Variants in PTPN2 observed in about 807,000 individuals in gnomAD.
PTPN2 encodes protein tyrosine phosphatase non-receptor type 2, also known as tyrosine-protein phosphatase non-receptor type 2.
A neutral mutation model predicts 57.3 loss-of-function variants in PTPN2; 19 were observed. That is an observed-to-expected ratio of 0.33 (90% CI 0.23 to 0.49). The LOEUF is 0.49. Ranked by LOEUF, PTPN2 falls within the 20% of genes least tolerant of loss-of-function variation. PTPN2 has a pLI of 0.99. For synonymous variants in PTPN2, 153 were observed against 164.9 expected (o/e 0.93, Z 0.55); for missense variants, 358 against 501.1 (o/e 0.71, Z 2.73).
In PTPN2 at chr18:12,793,373, T is replaced by C; in HGVS notation, c.*905A>G. ...AATGCTGCTTCTTACTTTTGCTTCCTAAATCATAATCTACCCCAACTACAT... is the reference window on the plus strand; with the variant it reads ...AATGCTGCTTCTTACTTTTGCTTCCCAAATCATAATCTACCCCAACTACAT... On this transcript the variant is annotated 3_prime_UTR_variant, in exon 9 of 9. Coordinates refer to ENST00000309660, the MANE Select transcript of PTPN2 (RefSeq NM_002828.4). 1 of 979,116 alleles carries C rather than the reference T, an allele frequency of 1.0e-6. No homozygotes were observed. The allele number at this position is 979,116 out of a possible 1,614,324, so 60.7% of individuals were successfully genotyped here.
downstream of PTPN2, among the ~76,000 whole-genome samples, chr18:12,789,876 GTGTA>G (rs758121184): frequency 6.0e-4 from 90 of 148,872 alleles, no homozygotes; most frequent in South Asian, 1.3e-3. Flanking sequence ...GTGTGTGTGT[GTGTA>G]TATATATATG....
At chr18:12,845,984 G>A (rs913456137) in intron 2 of PTPN2, among the ~76,000 whole-genome samples, 1 of 152,066 alleles carries the variant, frequency 6.6e-6, no homozygotes, top group Non-Finnish European at 1.5e-5. Context: ...GATACAATCT[G>A]TTCTTTCACG....
chr18:12,819,375 G>T, intron 5 of PTPN2: 1 of 605,204 alleles, frequency 1.7e-6, no homozygotes, highest in South Asian at 2.3e-5. Context: ...TATGGTAAGT[G>T]AACAAAGCCA....
At chr18:12,816,290 ACT>A (rs1477134110) in intron 6 of PTPN2, among the ~76,000 whole-genome samples, 1 of 152,150 alleles carries the variant, frequency 6.6e-6, no homozygotes, top group Non-Finnish European at 1.5e-5. Context: ...ACAGGGCAAG[ACT>A]CTGTCTAAAC....
chr18:12,822,037 T>C (rs1396106785), intron 5 of PTPN2, among the ~76,000 whole-genome samples: 1 of 152,100 alleles, frequency 6.6e-6, no homozygotes, highest in Non-Finnish European at 1.5e-5. Context: ...GAACAAGCAG[T>C]AGAATGATAA....
downstream of PTPN2, among the ~76,000 whole-genome samples, chr18:12,791,899 C>T (rs1192962932): frequency 6.6e-6 from 1 of 152,208 alleles, no homozygotes; most frequent in Non-Finnish European, 1.5e-5. Context: ...CGAAAGCAAG[C>T]CTAGTTTCAA....
chr18:12,797,267 C>T (rs756862952), intron 8 of PTPN2, among the ~76,000 whole-genome samples: 10 of 151,734 alleles, frequency 6.6e-5, no homozygotes, highest in South Asian at 2.1e-4. Flanking sequence ...TAATCTTTAA[C>T]GTATTATTTC....
intron 1 of PTPN2, among the ~76,000 whole-genome samples, chr18:12,861,627 C>T: frequency 6.6e-6 from 1 of 152,076 alleles, no homozygotes; most frequent in South Asian, 2.1e-4. Context: ...TTCTTAGATA[C>T]CTGATAAGTT....
At chr18:12,876,916 C>T (rs72872125) in intron 1 of PTPN2, among the ~76,000 whole-genome samples, 14,059 of 152,258 alleles carry the variant, frequency 0.092, 873 homozygotes, top group Middle Eastern at 0.16. Flanking sequence ...TAAGACGATT[C>T]CCTCTGTGCC....
At chr18:12,825,556 T>C (rs2042421286) in intron 5 of PTPN2, among the ~76,000 whole-genome samples, 1 of 152,160 alleles carries the variant, frequency 6.6e-6, no homozygotes, top group African/African-American at 2.4e-5. Flanking sequence ...CTATTAATCC[T>C]CATGTATTTC....
chr18:12,814,405 A>C, intron 6 of PTPN2, 50 bp from the exon 7 acceptor site: 1 of 1,481,540 alleles, frequency 6.7e-7, no homozygotes, highest in Non-Finnish European at 9.1e-7. Context: ...GAACCCAGGA[A>C]ACAGAATCAA....
chr18:12,803,787 G>A (rs756968922), intron 7 of PTPN2, among the ~76,000 whole-genome samples: 9 of 152,104 alleles, frequency 5.9e-5, no homozygotes, highest in African/African-American at 1.7e-4. Context: ...GCAGGAGAAC[G>A]CTACATCCCA....
chr18:12,816,629 A>C (rs183219794), intron 6 of PTPN2, among the ~76,000 whole-genome samples: 42 of 152,320 alleles, frequency 2.8e-4, no homozygotes, highest in African/African-American at 8.7e-4. Flanking sequence ...TGGTGGAGAA[A>C]GAATTAGCCG....
chr18:12,836,794 T>C lies in PTPN2; in HGVS notation c.258A>G (p.Thr86=). Residue 86 remains threonine (T), a synonymous_variant, in exon 3 of 9, where the codon ACA becomes ACG. Coordinates refer to ENST00000309660, the MANE Select transcript of PTPN2 (RefSeq NM_002828.4). ...IEEAQRSYIL[T]QGPLPNTCCH... ...TGCGTGGTATCGTATTACTTGCCTG[T>C]GTTAAGATGTAACTCCTTTGTGCCT... is the stretch of plus-strand genomic sequence containing the variant. 6.3e-7 allele frequency: 1 copy of C among 1,579,332 alleles called. No individual in the cohort carries two copies. Among genetic ancestry groups the C allele is most frequent in the Non-Finnish European group, 8.7e-7 (1 of 1,151,292 alleles).
At chr18:12,870,043 A>G (rs950619031) in intron 1 of PTPN2, among the ~76,000 whole-genome samples, 1 of 149,728 alleles carries the variant, frequency 6.7e-6, no homozygotes. Flanking sequence ...TCTTCACTAC[A>G]TTTTTTTTTC....
At chr18:12,823,792 T>C (rs1440085036) in intron 5 of PTPN2, among the ~76,000 whole-genome samples, 1 of 152,186 alleles carries the variant, frequency 6.6e-6, no homozygotes, top group East Asian at 1.9e-4. Flanking sequence ...TAATATAAAA[T>C]ACGGGGATAA....
At chr18:12,811,832 ATCTT>A (rs1307362982) in intron 7 of PTPN2, among the ~76,000 whole-genome samples, 1 of 152,158 alleles carries the variant, frequency 6.6e-6, no homozygotes, top group African/African-American at 2.4e-5. Flanking sequence ...GTACTGTTTC[ATCTT>A]TCTTTCTAAT....
intron 1 of PTPN2, chr18:12,863,360 G>A (rs567516079): frequency 6.6e-6 from 1 of 152,062 alleles, no homozygotes; most frequent in African/African-American, 2.4e-5. Context: ...TTGGGAGGCA[G>A]AGACAGGAGG....
rs1038826714 is a variant in PTPN2, at chr18:12,884,223, C to T, written c.-82G>A. ...CCGCACGATCCGGGGAGAGCGCTGGCGCTGCGGCGCATGCGCGCTGCGCGC... is the reference window on the plus strand; with the variant it reads ...CCGCACGATCCGGGGAGAGCGCTGGTGCTGCGGCGCATGCGCGCTGCGCGC... On this transcript the variant is annotated 5_prime_UTR_variant, in exon 1 of 9. Coordinates refer to ENST00000309660, the MANE Select transcript of PTPN2 (RefSeq NM_002828.4). 8.9e-7 allele frequency: 1 copy of T among 1,117,426 alleles called. No homozygotes were observed. Among genetic ancestry groups the T allele is most frequent in the Non-Finnish European group, 1.2e-6 (1 of 835,700 alleles). The allele number at this position is 1,117,426 out of a possible 1,614,324, so 69.2% of individuals were successfully genotyped here. A position where few individuals can be genotyped will look rare whatever the true frequency, so the allele number is the denominator to read the frequency against.
Sources: gnomAD v4.1 joint callset for allele counts (sites outside exome capture counted in the v4.1 genomes callset) on GRCh38, gnomAD v4.1.1 for gene constraint, MANE v1.5 for transcripts, NCBI Gene and HGNC (gene_info 2026-07-23, HGNC 2026-07-21) for gene names.